The following INO80D variants were observed in gnomAD, a reference collection of about 807,000 sequenced individuals.
The protein encoded by INO80D is INO80 complex subunit D.
In INO80D, 21 loss-of-function variants were observed where a neutral mutation model predicts 87.6. The ratio of observed to expected loss-of-function variants is 0.24; its 90% confidence interval spans 0.17 to 0.35. The LOEUF (loss-of-function observed/expected upper bound fraction) is 0.35, where lower values mean the gene tolerates loss of function less well. Ranked by LOEUF, INO80D falls within the 10% of genes least tolerant of loss-of-function variation. INO80D has a pLI of 1.00. For missense variants in INO80D, 982 were observed against 1,280.7 expected (o/e 0.77, Z 3.56); for synonymous variants, 440 against 491.0 (o/e 0.90, Z 1.37).
At chr2:206,038,326 C>A (rs1199050811) in intron 5 of INO80D, among the ~76,000 whole-genome samples, 1 of 152,160 alleles carries the variant, frequency 6.6e-6, no homozygotes, top group African/African-American at 2.4e-5. Flanking sequence ...AAATTGTGTT[C>A]TTTGACCTTG....
chr2:206,075,477 C>A (rs1015195707), intron 1 of INO80D, among the ~76,000 whole-genome samples: 2 of 151,206 alleles, frequency 1.3e-5, no homozygotes, highest in Non-Finnish European at 2.9e-5. Context: ...CATTCTGTTG[C>A]CCAGGCTGGA....
At chr2:206,050,086 T>C (rs1689309429) in intron 4 of INO80D, among the ~76,000 whole-genome samples, 1 of 150,126 alleles carries the variant, frequency 6.7e-6, no homozygotes, top group South Asian at 2.1e-4. Context: ...TGAGCTGAGA[T>C]CACACCACGG....
chr2:206,008,138 T>C (rs1407086711), intron 9 of INO80D, among the ~76,000 whole-genome samples: 3 of 151,320 alleles, frequency 2.0e-5, no homozygotes, highest in African/African-American at 7.3e-5. Context: ...CCCACCACTA[T>C]GCCAAGCTAA....
rs1687909494 is a variant in INO80D at position 206,001,647 on chromosome 2, A to T, written c.*2721T>A. ...AATGGCTCTATTAAGTAAAAGAAAA[A>T]CACAGATCTCTCTGGGCTTATAGAT... On this transcript the variant is annotated 3_prime_UTR_variant, in exon 11 of 11. Transcript: ENST00000403263. 2 of 152,340 alleles carry T rather than the reference A, an allele frequency of 1.3e-5. No homozygotes were observed. Among genetic ancestry groups the T allele is most frequent in the Non-Finnish European group, 1.5e-5 (1 of 68,030 alleles). 9.4% of individuals were successfully genotyped at this position (152,340 alleles called of 1,614,324 possible).
chr2:206,024,494 G>T (rs903173840), intron 6 of INO80D, among the ~76,000 whole-genome samples: 1 of 151,756 alleles, frequency 6.6e-6, no homozygotes, highest in African/African-American at 2.4e-5. Context: ...GGTGATTTGG[G>T]TGTAAGGGAA....
intron 1 of INO80D, among the ~76,000 whole-genome samples, chr2:206,079,200 G>A (rs1490908543): frequency 6.6e-6 from 1 of 152,024 alleles, no homozygotes; most frequent in African/African-American, 2.4e-5. Flanking sequence ...AGCCTCCTGA[G>A]TAGCTGGGAC....
intron 1 of INO80D, among the ~76,000 whole-genome samples, chr2:206,075,039 C>CAA (rs56081344): frequency 8.5e-5 from 10 of 117,720 alleles, no homozygotes; most frequent in East Asian, 4.9e-4. Context: ...AACTCCATCT[C>CAA]AAAAAAAAAA....
chr2:206,042,549 G>T (rs1233629969), intron 5 of INO80D, among the ~76,000 whole-genome samples: 1 of 152,024 alleles, frequency 6.6e-6, no homozygotes, highest in African/African-American at 2.4e-5. Flanking sequence ...AGGCGTGGTG[G>T]CTGGCGCCTG....
rs553147910 is a variant in INO80D at position 206,003,287 on chromosome 2, A to G, written c.*1081T>C. The G allele has an allele frequency of 1.8e-4, 27 of 152,358 alleles. No individual in the cohort carries two copies. The highest frequency in any genetic ancestry group is 1.2e-3 in the Admixed American group (19 of 15,306). 9.4% of individuals were successfully genotyped at this position (152,358 alleles called of 1,614,324 possible). On this transcript the variant is annotated 3_prime_UTR_variant, in exon 11 of 11. Coordinates refer to ENST00000403263, the MANE Select transcript of INO80D (RefSeq NM_017759.5). ...AAAGAATCACTACTGTAAACATGAAAAATTCAAAAGCAAAAGATGGATCAA... is the reference window on the plus strand; with the variant it reads ...AAAGAATCACTACTGTAAACATGAAGAATTCAAAAGCAAAAGATGGATCAA...
At chr2:206,009,182 T>C (rs1408497176) in intron 9 of INO80D, among the ~76,000 whole-genome samples, 11 of 152,164 alleles carry the variant, frequency 7.2e-5, no homozygotes, top group Non-Finnish European at 1.0e-4. Context: ...TGATGGCACA[T>C]GCCTGTAATC....
chr2:206,082,225 G>T (rs978703733), intron 1 of INO80D, among the ~76,000 whole-genome samples: 2 of 152,152 alleles, frequency 1.3e-5, no homozygotes, highest in Non-Finnish European at 2.9e-5. Flanking sequence ...TCTCCATGTT[G>T]GTCAGGCTGG....
chr2:206,072,467 G>A lies in INO80D; in HGVS notation c.-123-9223C>T, dbSNP rs111329596. ...ATTTTTTTGTATTTTTAGTAGAGAC[G>A]GGGTTTCAGCATGTTGGCGAGGCTG... is the stretch of plus-strand genomic sequence containing the variant. On this transcript the variant is annotated intron_variant, in intron 1 of 10. Transcript: ENST00000403263. Among the ~76,000 whole-genome samples, 12 of 151,996 alleles carry A rather than the reference G, an allele frequency of 7.9e-5. 1 individual carries two copies. Among genetic ancestry groups the A allele is most frequent in the East Asian group, 3.9e-4 (2 of 5,168 alleles).
chr2:206,069,179 A>AT (rs539895480), intron 1 of INO80D, among the ~76,000 whole-genome samples: 112 of 151,718 alleles, frequency 7.4e-4, no homozygotes, highest in African/African-American at 2.4e-3. Flanking sequence ...TTATACATGG[A>AT]TTTTTTTTCC....
At chr2:206,053,008 T>G (rs1689416990) in intron 4 of INO80D, among the ~76,000 whole-genome samples, 1 of 152,072 alleles carries the variant, frequency 6.6e-6, no homozygotes, top group African/African-American at 2.4e-5. Flanking sequence ...ATAATACTAC[T>G]ACCCAGGGCT....
intron 1 of INO80D, among the ~76,000 whole-genome samples, chr2:206,067,152 C>T (rs577627061): frequency 6.6e-6 from 1 of 151,556 alleles, no homozygotes; most frequent in African/African-American, 2.4e-5. Flanking sequence ...GAGGCTAAGG[C>T]AGGAGAATCG....
chr2:206,009,517 G>C, intron 9 of INO80D, 60 bp downstream of exon 9: 1 of 1,362,756 alleles, frequency 7.3e-7, no homozygotes, highest in Non-Finnish European at 1.0e-6. Context: ...CATGAAGCTA[G>C]ATGTTCTGAG....
chr2:206,057,014 A>G, intron 3 of INO80D, 71 bp from the exon 4 acceptor site: 1 of 1,406,722 alleles, frequency 7.1e-7, no homozygotes, highest in Non-Finnish European at 9.5e-7. Context: ...ATAAAACTAC[A>G]TGAGAATCCT....
intron 1 of INO80D, among the ~76,000 whole-genome samples, chr2:206,073,069 C>T (rs189340475): frequency 7.0e-4 from 106 of 152,120 alleles, no homozygotes; most frequent in African/African-American, 2.3e-3. Context: ...AACTCCTAGC[C>T]TCAAGTGATC....
chr2:206,084,273 A>ACACC (rs1553623578), intron 1 of INO80D, among the ~76,000 whole-genome samples: 3,150 of 144,392 alleles, frequency 0.022, 43 homozygotes, highest in African/African-American at 0.035. Context: ...ACACACACAC[A>ACACC]CCCCAAAACC....
Sources: gnomAD v4.1 joint callset for allele counts (sites outside exome capture counted in the v4.1 genomes callset) on GRCh38, gnomAD v4.1.1 for gene constraint, MANE v1.5 for transcripts, NCBI Gene and HGNC (gene_info 2026-07-23, HGNC 2026-07-21) for gene names.